SEC31A: variants seen among roughly 807,000 people sequenced by gnomAD.
The protein encoded by SEC31A is protein transport protein Sec31A.
SEC31A carries 70 observed loss-of-function variants against 151.0 expected under a neutral mutation model. That is an observed-to-expected ratio of 0.46 (90% CI 0.38 to 0.57). SEC31A has a LOEUF of 0.57. Ranked by LOEUF, SEC31A falls within the 20% of genes least tolerant of loss-of-function variation. The probability of loss-of-function intolerance (pLI) is 0.00; values close to 1 mark genes in which losing one functional copy is unlikely to be tolerated. For synonymous variants in SEC31A, 475 were observed against 505.9 expected, an observed-to-expected ratio of 0.94 and a Z score of 0.82; for missense variants, 1,330 against 1,471.2, an observed-to-expected ratio of 0.90 and a Z score of 1.57.
chr4:82,847,172 G>T (rs1730416628), intron 20 of SEC31A, among the ~76,000 whole-genome samples: 1 of 152,142 alleles, frequency 6.6e-6, no homozygotes, highest in Non-Finnish European at 1.5e-5. Context: ...TCAACTGTAC[G>T]CAGGGTCGGT....
At chr4:82,891,945 C>T (rs915720817), upstream of SEC31A, among the ~76,000 whole-genome samples, 1 of 152,206 alleles carries the variant, frequency 6.6e-6, no homozygotes, top group Non-Finnish European at 1.5e-5. Context: ...CCCAGATCTC[C>T]TAACTTCTAG....
At chr4:82,891,213 G>A (rs1239223667), upstream of SEC31A, 2 of 1,517,118 alleles carry the variant, frequency 1.3e-6, no homozygotes, top group African/African-American at 1.4e-5. Flanking sequence ...CGTGGCAGCC[G>A]CAGCCGCAGC....
chr4:82,835,502 A>G (rs994741780), intron 22 of SEC31A, among the ~76,000 whole-genome samples: 2 of 152,234 alleles, frequency 1.3e-5, no homozygotes, highest in African/African-American at 4.8e-5. Flanking sequence ...GTGTAATATT[A>G]AGAAAAAAGT....
chr4:82,850,371 C>A (rs990305425), intron 19 of SEC31A, among the ~76,000 whole-genome samples: 12 of 152,006 alleles, frequency 7.9e-5, no homozygotes, highest in Non-Finnish European at 1.8e-4. Context: ...ACATTCCCAT[C>A]AACAATTCAG....
intron 12 of SEC31A, 55 bp downstream of exon 12, chr4:82,863,263 T>G (rs1734577149): frequency 9.7e-7 from 1 of 1,030,340 alleles, no homozygotes; most frequent in South Asian, 1.4e-5. Context: ...AGAACTTTAT[T>G]TTTTAAAAGT....
At chr4:82,882,385 G>A (rs553977271) in intron 1 of SEC31A, among the ~76,000 whole-genome samples, 58 of 117,856 alleles carry the variant, frequency 4.9e-4, no homozygotes, top group African/African-American at 1.7e-3. Flanking sequence ...CTGGGCGAGA[G>A]AGCAAGACTC....
At chr4:82,846,916 T>C (rs1578208605) in intron 20 of SEC31A, among the ~76,000 whole-genome samples, 1 of 152,202 alleles carries the variant, frequency 6.6e-6, no homozygotes, top group Non-Finnish European at 1.5e-5. Flanking sequence ...GGTTTCATCA[T>C]GTTGGCCAGG....
Position 82,878,845 on chromosome 4 carries a change from C to A in SEC31A, c.287G>T (p.Gly96Val). 6.2e-7 allele frequency: 1 copy of A among 1,613,902 alleles called. No individual in the cohort carries two copies. The highest frequency in any genetic ancestry group is 8.5e-7 in the Non-Finnish European group (1 of 1,179,832). Residue 96 changes from glycine to valine, a missense_variant, in exon 4 of 27, where the codon GGA becomes GTA. Transcript: ENST00000395310. ...AGAAGGATCATAGAGAATAATATTT[C>A]CATTTTCACCACCTGCAATCAGAAC... ...SGVLIAGGEN[G>V]NIILYDPSKI... is the part of the protein sequence containing the mutation.
chr4:82,821,901 T>G (rs1198801296), intron 25 of SEC31A, among the ~76,000 whole-genome samples: 2 of 152,208 alleles, frequency 1.3e-5, no homozygotes, highest in African/African-American at 4.8e-5. Flanking sequence ...AACACTTAGT[T>G]ACATTTGTTT....
intron 7 of SEC31A, chr4:82,871,315 C>T (rs755595443): frequency 1.8e-5 from 9 of 488,546 alleles, no homozygotes; most frequent in African/African-American, 5.9e-5. Flanking sequence ...CATGCATACA[C>T]ACACACACAC....
At chr4:82,848,188 A>G (rs929366728) in intron 20 of SEC31A, among the ~76,000 whole-genome samples, 4 of 152,158 alleles carry the variant, frequency 2.6e-5, no homozygotes, top group African/African-American at 4.8e-5. Flanking sequence ...AATAGTAAGA[A>G]GCCACATTTT....
chr4:82,864,347 A>C lies in SEC31A; in HGVS notation c.1434+15T>G. The C allele has an allele frequency of 6.4e-7, 1 of 1,557,140 alleles. No individual in the cohort carries two copies. Among genetic ancestry groups the C allele is most frequent in the Non-Finnish European group, 8.9e-7 (1 of 1,128,570 alleles). ...GCAGATAATGAAATAATATAGCTTT[A>C]AACAGCAACTTTACCTTCAAAAAGG... On this transcript the variant is annotated intron_variant, in intron 11 of 26. Coordinates refer to ENST00000395310, the MANE Select transcript of SEC31A (RefSeq NM_001077207.4).
upstream of SEC31A, among the ~76,000 whole-genome samples, chr4:82,892,601 C>G (rs1199602305): frequency 6.6e-6 from 1 of 152,190 alleles, no homozygotes; most frequent in Non-Finnish European, 1.5e-5. Context: ...TCTCTGGGGT[C>G]AAGGAGGCAA....
At chr4:82,838,477 T>G (rs1282896002) in intron 22 of SEC31A, among the ~76,000 whole-genome samples, 1 of 152,190 alleles carries the variant, frequency 6.6e-6, no homozygotes, top group African/African-American at 2.4e-5. Flanking sequence ...GGAAAGAGCC[T>G]GTTTTCTTAC....
At position 82,824,558 on chromosome 4, in the gene SEC31A, G is replaced by T; in HGVS notation, c.3408C>A (p.Asp1136Glu). 1 of 1,613,116 alleles carries T rather than the reference G, an allele frequency of 6.2e-7. No homozygotes were observed. Among genetic ancestry groups the T allele is most frequent in the Non-Finnish European group, 8.5e-7 (1 of 1,179,694 alleles). Reference sequence around the variant, plus strand: ...ATTTAAAAAAATAAATACATACAGGGTCTGTTGCTGAAGAAAGGCAGCGCT... The same window carrying T: ...ATTTAAAAAAATAAATACATACAGGTTCTGTTGCTGAAGAAAGGCAGCGCT... ...LIQRCLSSAT[D>E]PQTKRKLDDA... The change falls in exon 25 of 27, where the codon GAC becomes GAA. Residue 1136 changes from aspartate (D) to glutamate (E), a missense_variant. Transcript: ENST00000395310.
upstream of SEC31A, among the ~76,000 whole-genome samples, chr4:82,892,380 C>T (rs1719853618): frequency 6.6e-6 from 1 of 152,174 alleles, no homozygotes; most frequent in Non-Finnish European, 1.5e-5. Context: ...GCAACTTTAC[C>T]TTTTTACATT....
At chr4:82,834,431 A>G (rs1726746619) in intron 22 of SEC31A, among the ~76,000 whole-genome samples, 1 of 152,200 alleles carries the variant, frequency 6.6e-6, no homozygotes, top group African/African-American at 2.4e-5. Context: ...GCAGCACAAA[A>G]AAGTCTATGG....
At chr4:82,832,200 C>G (rs1295674144) in intron 22 of SEC31A, among the ~76,000 whole-genome samples, 1 of 152,092 alleles carries the variant, frequency 6.6e-6, no homozygotes, top group Non-Finnish European at 1.5e-5. Flanking sequence ...GTACTGGTAC[C>G]AAAACAGATA....
Position 82,879,371 on chromosome 4 carries a change from G to A in SEC31A, c.204-443C>T, listed in dbSNP as rs75257174. Among the ~76,000 whole-genome samples the A allele has an allele frequency of 1.5e-4, 22 of 143,564 alleles. 1 individual carries two copies. The highest frequency in any genetic ancestry group is 1.4e-4 in the Non-Finnish European group (9 of 66,470). The allele number at this position is 143,564 out of a possible 152,430, so 94.2% of individuals were successfully genotyped here. On this transcript the variant is annotated intron_variant, in intron 3 of 26. Transcript: ENST00000395310. ...GGGTCTCATGCTTTGACCTTTGTCTGAAAAAAAAAAAAAGGGGGGGTCACT... is the reference window on the plus strand; with the variant it reads ...GGGTCTCATGCTTTGACCTTTGTCTAAAAAAAAAAAAAAGGGGGGGTCACT...
Sources: allele counts gnomAD v4.1 joint callset (sites outside exome capture counted in the v4.1 genomes callset), GRCh38; gene constraint gnomAD v4.1.1; transcripts MANE v1.5; gene names NCBI Gene and HGNC (gene_info 2026-07-23, HGNC 2026-07-21).